Variants in KLRG2 observed in about 807,000 individuals in gnomAD.
KLRG2 encodes the protein killer cell lectin like receptor G2.
A neutral mutation model predicts 35.4 loss-of-function variants in KLRG2; 39 were observed. The ratio of observed to expected loss-of-function variants is 1.10; its 90% CI spans 0.85 to 1.44. KLRG2 has a LOEUF of 1.44. Among genes scored for constraint, KLRG2 ranks in the 40% most tolerant of loss-of-function variants. The pLI is 0.00. For missense variants in KLRG2, 632 were observed against 570.9 expected (o/e 1.11, Z -1.09); for synonymous variants, 283 against 265.8 (o/e 1.06, Z -0.63).
At chr7:139,459,607 C>G (rs898460355) in intron 3 of KLRG2, among the ~76,000 whole-genome samples, 6 of 152,348 alleles carry the variant, frequency 3.9e-5, no homozygotes, top group African/African-American at 9.6e-5. Flanking sequence ...AGAAACTGAT[C>G]CCTACTGAGC....
At chr7:139,477,667 AT>A (rs1339186420) in intron 3 of KLRG2, among the ~76,000 whole-genome samples, 1 of 152,318 alleles carries the variant, frequency 6.6e-6, no homozygotes, top group Non-Finnish European at 1.5e-5. Flanking sequence ...GATGGTGGTG[AT>A]AGGTGCTCAA....
the KLRG2 span, among the ~76,000 whole-genome samples, chr7:139,428,099 G>C: frequency 6.6e-6 from 1 of 152,192 alleles, no homozygotes; most frequent in East Asian, 1.9e-4. Flanking sequence ...TTACAAAAAA[G>C]ACTGAAATGA....
intron 3 of KLRG2, among the ~76,000 whole-genome samples, chr7:139,477,820 A>G (rs1168725695): frequency 2.0e-5 from 3 of 151,694 alleles, no homozygotes; most frequent in East Asian, 1.9e-4. Context: ...TTGCAGTGGC[A>G]CAATCTCGGC....
chr7:139,439,529 T>G, the KLRG2 span, among the ~76,000 whole-genome samples: 1 of 152,200 alleles, frequency 6.6e-6, no homozygotes, highest in Non-Finnish European at 1.5e-5. Context: ...CTTCGGCTGT[T>G]ATCCTGAGCA....
chr7:139,443,230 G>C, the KLRG2 span, among the ~76,000 whole-genome samples: 1 of 151,150 alleles, frequency 6.6e-6, no homozygotes, highest in Non-Finnish European at 1.5e-5. Context: ...AAGTAGCTGG[G>C]ACTATAGACC....
downstream of KLRG2, among the ~76,000 whole-genome samples, chr7:139,452,218 C>T (rs1162613850): frequency 1.3e-5 from 2 of 152,018 alleles, no homozygotes; most frequent in African/African-American, 2.4e-5. Flanking sequence ...CCTTGTGATT[C>T]GCCCACCTCG....
chr7:139,476,035 T>A (rs1035871730), intron 3 of KLRG2, among the ~76,000 whole-genome samples: 1 of 151,846 alleles, frequency 6.6e-6, no homozygotes, highest in Non-Finnish European at 1.5e-5. Context: ...ACAGTTTGAG[T>A]GTTTTTCCTA....
rs75835324 is a variant in KLRG2 at position 139,468,791 on chromosome 7, C to T, written c.1005+10836G>A. On this transcript the variant is annotated intron_variant, in intron 3 of 4. Coordinates refer to ENST00000340940, the MANE Select transcript of KLRG2 (RefSeq NM_198508.4). Reference sequence around the variant, plus strand: ...CACCCTAAAGTTCATATGTGGGTGCCCTAACCCCCAGTACCTCAAAATGTG... The same window carrying T: ...CACCCTAAAGTTCATATGTGGGTGCTCTAACCCCCAGTACCTCAAAATGTG... 4.6e-3 allele frequency among the ~76,000 whole-genome samples: 693 copies of T among 152,262 alleles called. 6 individuals are homozygous for T. The highest frequency in any genetic ancestry group is 0.016 in the African/African-American group (677 of 41,552).
At chr7:139,446,537 T>C in the KLRG2 span, among the ~76,000 whole-genome samples, 1 of 151,274 alleles carries the variant, frequency 6.6e-6, no homozygotes, top group South Asian at 2.1e-4. Flanking sequence ...TACGGAGTTT[T>C]GCCACGTCAG....
chr7:139,437,006 C>T, the KLRG2 span, among the ~76,000 whole-genome samples: 2 of 152,106 alleles, frequency 1.3e-5, no homozygotes, highest in South Asian at 2.1e-4. Flanking sequence ...GAGGTGAGGC[C>T]GGAGCTTGAC....
At chr7:139,448,441 C>T (rs1796333750), downstream of KLRG2, among the ~76,000 whole-genome samples, 1 of 152,200 alleles carries the variant, frequency 6.6e-6, no homozygotes, top group South Asian at 2.1e-4. Flanking sequence ...TTAATTTTGA[C>T]TCCAATATAC....
At chr7:139,430,128 C>T in the KLRG2 span, among the ~76,000 whole-genome samples, 2 of 152,186 alleles carry the variant, frequency 1.3e-5, no homozygotes, top group Admixed American at 6.5e-5. Context: ...AACTGCCGGG[C>T]GCAATGGCTA....
chr7:139,462,726 C>G (rs1796588548), intron 3 of KLRG2, among the ~76,000 whole-genome samples: 1 of 152,164 alleles, frequency 6.6e-6, no homozygotes, highest in African/African-American at 2.4e-5. Context: ...ATGAAATGGG[C>G]AAATGGTCTG....
chr7:139,437,608 C>T, the KLRG2 span, among the ~76,000 whole-genome samples: 1 of 152,014 alleles, frequency 6.6e-6, no homozygotes, highest in African/African-American at 2.4e-5. Context: ...AGGCATGTAC[C>T]ACCACACATG....
downstream of KLRG2, among the ~76,000 whole-genome samples, chr7:139,451,670 A>G (rs11764512): frequency 0.38 from 58,249 of 152,018 alleles, 14,486 homozygotes; most frequent in African/African-American, 0.71. Flanking sequence ...GATGGAAAGA[A>G]TGCGGCCTTT....
chr7:139,453,610 C>T lies in KLRG2; in HGVS notation c.1207G>A (p.Val403Ile), dbSNP rs1177327463. The T allele has an allele frequency of 6.2e-7, 1 of 1,609,190 alleles. No individual in the cohort carries two copies. Among genetic ancestry groups the T allele is most frequent in the Non-Finnish European group, 8.5e-7 (1 of 1,177,928 alleles). Residue 403 changes from valine to isoleucine, a missense_variant, in exon 5 of 5, where the codon GTC becomes ATC. Val to Ile is a conservative substitution (Grantham distance 29). Transcript: ENST00000340940. ...GATCACTGGGTCCCCTTGGCACAGA[C>T]CCAGGGTCTTGGAGTGCTGCAGTTT... is the stretch of plus-strand genomic sequence containing the variant. ...AANCSTPRPW[V>I]CAKGTQ
At position 139,454,156 on chromosome 7, in the gene KLRG2, G is replaced by A; in HGVS notation, c.1064C>T (p.Pro355Leu). 6.5e-7 allele frequency: 1 copy of A among 1,546,310 alleles called. No individual in the cohort carries two copies. The highest frequency in any genetic ancestry group is 1.2e-5 in the South Asian group (1 of 83,658). ...RHSWVGAWRG[P>L]QGWHWIDEAP... ...CTCGTCGATCCAGTGCCAGCCCTGG[G>A]GGCCTCGCCAGGCCCCCACCCAGGA... is the stretch of plus-strand genomic sequence containing the variant. Residue 355 changes from proline to leucine, a missense_variant, in exon 4 of 5, where the codon CCC becomes CTC. Physicochemically the swap from Pro to Leu is moderately conservative, Grantham distance 98. Transcript: ENST00000340940.
chr7:139,430,710 TAGAA>T, the KLRG2 span, among the ~76,000 whole-genome samples: 6 of 151,926 alleles, frequency 3.9e-5, no homozygotes, highest in East Asian at 1.9e-4. Context: ...ATCCATCAAT[TAGAA>T]AGCAGATAAA....
downstream of KLRG2, among the ~76,000 whole-genome samples, chr7:139,447,708 A>G (rs1328246894): frequency 6.6e-6 from 1 of 151,786 alleles, no homozygotes; most frequent in Non-Finnish European, 1.5e-5. Flanking sequence ...CAGCCTTTTG[A>G]ATTGGGCCAT....
Sources: gnomAD v4.1 joint callset for allele counts (sites outside exome capture counted in the v4.1 genomes callset) on GRCh38, gnomAD v4.1.1 for gene constraint, MANE v1.5 for transcripts, NCBI Gene and HGNC (gene_info 2026-07-23, HGNC 2026-07-21) for gene names.